Variants in ETAA1 observed in about 807,000 individuals in gnomAD.
ETAA1 encodes the protein ETAA1 activator of ATR kinase.
A neutral mutation model predicts 76.8 loss-of-function variants in ETAA1; 49 were observed. The observed-to-expected ratio is 0.64, with a 90% CI of 0.51 to 0.81. The LOEUF (loss-of-function observed/expected upper bound fraction) is 0.81. Among genes scored for constraint, ETAA1 ranks in the 30% least tolerant of loss-of-function variants. The pLI is 0.00. For missense variants in ETAA1, 1,099 were observed against 1,074.0 expected (o/e 1.02, Z -0.32); for synonymous variants, 373 against 372.2 (o/e 1.00, Z -0.03).
At chr2:67,402,999 C>T in intron 4 of ETAA1, 25 bp downstream of exon 4, 5 of 1,557,746 alleles carry the variant, frequency 3.2e-6, no homozygotes, top group Non-Finnish European at 4.3e-6. Flanking sequence ...TTCAGCTTTT[C>T]TGAAATTCAG....
Position 67,409,928 on chromosome 2 carries a change from A to G in ETAA1, c.2671A>G (p.Arg891Gly), listed in dbSNP as rs904945377. 3 of 1,598,578 alleles carry G rather than the reference A, an allele frequency of 1.9e-6. No homozygotes were observed. The highest frequency in any genetic ancestry group is 1.4e-5 in the African/African-American group (1 of 73,810). The stretch of plus-strand genomic sequence containing the variant: ...ATTTTTAGAGGAAGAAGAGAAAAAT[A>G]GAAAGTGTTCTCCTGAAGAAATTCA... ...QSSKEEEEKNRKCSPEEIQRK... is the reference protein window; with the variant it reads ...QSSKEEEEKNGKCSPEEIQRK... Residue 891 changes from arginine (R) to glycine (G), a missense_variant, in exon 6 of 6, where the codon AGA becomes GGA. Around this residue, in one of 3 missense-constraint regions of ETAA1, gnomAD observed 302 missense variants for 278.1 expected, o/e 1.09. Coordinates refer to ENST00000272342, the MANE Select transcript of ETAA1 (RefSeq NM_019002.4).
intron 5 of ETAA1, among the ~76,000 whole-genome samples, chr2:67,406,754 C>G (rs34493710): frequency 0.068 from 10,331 of 151,704 alleles, 454 homozygotes; most frequent in Middle Eastern, 0.13. Flanking sequence ...ATATATATAC[C>G]TATAGATCTA....
chr2:67,401,960 C>T (rs891513326), intron 3 of ETAA1: 2 of 151,600 alleles, frequency 1.3e-5, no homozygotes, highest in Admixed American at 6.6e-5. Context: ...ACTGGTATGC[C>T]CAATATTGTG....
At position 67,404,976 on chromosome 2, in the gene ETAA1, G is replaced by C; in HGVS notation, c.2294G>C (p.Ser765Thr). 1 of 1,612,728 alleles carries C rather than the reference G, an allele frequency of 6.2e-7. No homozygotes were observed. Among genetic ancestry groups the C allele is most frequent in the Non-Finnish European group, 8.5e-7 (1 of 1,179,228 alleles). The change falls in exon 5 of 6, where the codon AGT becomes ACT. Residue 765 changes from serine to threonine, a missense_variant. This residue lies in a region of ETAA1 where 302 missense variants were observed against 278.1 expected (regional missense o/e 1.09). Coordinates refer to ENST00000272342, the MANE Select transcript of ETAA1 (RefSeq NM_019002.4). The part of the protein sequence containing the change: ...TNTDVPIQVN[S>T]SKLVLPGSSS... ...ACTGATGTTCCAATACAAGTGAATA[G>C]TTCCAAATTGGTTCTTCCAGGAAGT...
rs1326568372 is a variant in ETAA1, at chr2:67,410,189, T to C, written c.*151T>C. ...TTATTTAATAAATCAATGTTTGCAA[T>C]GGTAAATGAAACATTTCCTTGGACA... On this transcript the variant is annotated 3_prime_UTR_variant, in exon 6 of 6. Transcript: ENST00000272342. 1.1e-5 allele frequency: 8 copies of C among 717,920 alleles called. No individual in the cohort carries two copies. In the Admixed American group the frequency reaches 1.6e-4, roughly 14 times the overall value. 44.5% of individuals were successfully genotyped at this position (717,920 alleles called of 1,614,324 possible).
intron 1 of ETAA1, 86 bp downstream of exon 1, chr2:67,397,757 T>G (rs1572905066): frequency 7.7e-7 from 1 of 1,301,844 alleles, no homozygotes; most frequent in South Asian, 1.3e-5. Flanking sequence ...GGGGTGGGGG[T>G]GGAGTCTGGA....
Position 67,397,653 on chromosome 2 carries a change from A to G in ETAA1, c.205A>G (p.Ser69Gly). Residue 69 changes from serine to glycine, a missense_variant, in exon 1 of 6, where the codon AGT becomes GGT. Ser to Gly is a moderately conservative substitution (Grantham distance 56). This residue lies in a region of ETAA1 where 761 missense variants were observed against 731.9 expected (regional missense o/e 1.04). Transcript: ENST00000272342. ...GCAGCCTCCGACCGCCGCCCTGTGC[A>G]GTAAAAGTAACCCCGAGGGTGAGAC... Reference protein sequence around the residue: ...REQPPTAALCSKSNPEERYET... With the variant: ...REQPPTAALCGKSNPEERYET... The G allele has an allele frequency of 6.5e-7, 1 of 1,547,334 alleles. No individual in the cohort carries two copies. The highest frequency in any genetic ancestry group is 8.7e-7 in the Non-Finnish European group (1 of 1,146,816).
intron 5 of ETAA1, among the ~76,000 whole-genome samples, chr2:67,409,537 A>G (rs77814619): frequency 2.6e-5 from 4 of 152,026 alleles, no homozygotes; most frequent in East Asian, 1.9e-4. Flanking sequence ...CTATTTTCCA[A>G]TTAAAGTTTA....
At position 67,410,085 on chromosome 2, in the gene ETAA1, G is replaced by T; in HGVS notation, c.*47G>T. On this transcript the variant is annotated 3_prime_UTR_variant, in exon 6 of 6. Transcript: ENST00000272342. ...TCACGAAGACTGCTGATAACTATCT[G>T]TGATTGATAGGAAATTTTTTTTCTT... 6.5e-7 allele frequency: 1 copy of T among 1,540,504 alleles called. No individual in the cohort carries two copies. The highest frequency in any genetic ancestry group is 1.4e-5 in the African/African-American group (1 of 70,414).
chr2:67,409,245 G>A (rs1467428847), intron 5 of ETAA1, among the ~76,000 whole-genome samples: 1 of 151,904 alleles, frequency 6.6e-6, no homozygotes, highest in Non-Finnish European at 1.5e-5. Context: ...ATGAGAAAGT[G>A]ATTTCTAATA....
chr2:67,399,155 CATATTTT>C lies in ETAA1; in HGVS notation c.224-9_224-3del. On this transcript the variant is annotated splice_region_variant and splice_polypyrimidine_tract_variant and intron_variant, in intron 1 of 5. Transcript: ENST00000272342. Reference sequence around the variant, plus strand: ...AAAATGCAACAATTGTTATTTTACTCATATTTTATATAGAAAGGTATGAAACACCAAA... The same window carrying C: ...AAAATGCAACAATTGTTATTTTACTCATATAGAAAGGTATGAAACACCAAA... 1 of 1,600,744 alleles carries C rather than the reference CATATTTT, an allele frequency of 6.2e-7. No individual in the cohort carries two copies. The highest frequency in any genetic ancestry group is 1.1e-5 in the South Asian group (1 of 87,940).
chr2:67,406,029 A>G (rs1676208682), intron 5 of ETAA1, among the ~76,000 whole-genome samples: 3 of 152,038 alleles, frequency 2.0e-5, no homozygotes, highest in Admixed American at 1.3e-4. Context: ...CTTATCTCCA[A>G]ACAGTGGAAT....
chr2:67,408,360 A>G (rs573368452), intron 5 of ETAA1, among the ~76,000 whole-genome samples: 4 of 152,166 alleles, frequency 2.6e-5, no homozygotes, highest in Non-Finnish European at 5.9e-5. Context: ...ATTTCATGAC[A>G]TTTGAAAATT....
chr2:67,404,851 G>A lies in ETAA1; in HGVS notation c.2169G>A (p.Met723Ile). ...DKPMKMEKGE[M>I]YGNSPRFLGA... is the part of the protein sequence containing the mutation. ...CAATGAAGATGGAGAAAGGGGAAAT[G>A]TATGGAAATTCTCCAAGATTTTTAG... The change falls in exon 5 of 6, where the codon ATG (methionine) becomes ATA (isoleucine). Residue 723 changes from methionine to isoleucine, a missense_variant. Around this residue, in one of 3 missense-constraint regions of ETAA1, gnomAD observed 302 missense variants for 278.1 expected, o/e 1.09. Coordinates refer to ENST00000272342, the MANE Select transcript of ETAA1 (RefSeq NM_019002.4). 6.2e-7 allele frequency: 1 copy of A among 1,613,076 alleles called. No individual in the cohort carries two copies. The highest frequency in any genetic ancestry group is 8.5e-7 in the Non-Finnish European group (1 of 1,179,392).
At chr2:67,407,048 C>T (rs1676240513) in intron 5 of ETAA1, among the ~76,000 whole-genome samples, 1 of 151,890 alleles carries the variant, frequency 6.6e-6, no homozygotes, top group South Asian at 2.1e-4. Context: ...AAAATTGCTA[C>T]AAGAGGAAGT....
Position 67,399,275 on chromosome 2 carries a change from T to C in ETAA1, c.330T>C (p.Asn110=). 1 of 1,612,424 alleles carries C rather than the reference T, an allele frequency of 6.2e-7. No homozygotes were observed. Among genetic ancestry groups the C allele is most frequent in the Non-Finnish European group, 8.5e-7 (1 of 1,179,194 alleles). ...AGAATGATATCTTTTGGGATCAGAA[T>C]TCTCCATTGACAAAGCAGTTAGGTA... ...DGQNDIFWDQ[N]SPLTKQLGKG... is the part of the protein sequence containing the mutation. Residue 110 remains asparagine, a synonymous_variant, in exon 2 of 6, where the codon AAT becomes AAC. Transcript: ENST00000272342.
Position 67,404,073 on chromosome 2 carries a change from C to T in ETAA1, c.1391C>T (p.Ser464Leu), listed in dbSNP as rs1002675613. 1.3e-6 allele frequency: 2 copies of T among 1,598,702 alleles called. No homozygotes were observed. Among genetic ancestry groups the T allele is most frequent in the Admixed American group, 1.8e-5 (1 of 56,122 alleles). The change falls in exon 5 of 6, where the codon TCA (serine) becomes TTA (leucine). Residue 464 changes from serine to leucine, a missense_variant. This residue lies in a region of ETAA1 where 761 missense variants were observed against 731.9 expected (regional missense o/e 1.04). Transcript: ENST00000272342. ...TTAATAGATGCAGAATATAGATTTT[C>T]ACCAAATTCAAATAAATCAAACAAA... ...RELIDAEYRF[S>L]PNSNKSNKLS...
intron 1 of ETAA1, among the ~76,000 whole-genome samples, chr2:67,398,397 A>ACTG (rs1410009072): frequency 4.7e-5 from 7 of 147,772 alleles, no homozygotes; most frequent in African/African-American, 1.8e-4. Flanking sequence ...GTGCAGTAGC[A>ACTG]CAATCTCGGC....
Position 67,404,993 on chromosome 2 carries a change from C to T in ETAA1, c.2311C>T (p.Pro771Ser), listed in dbSNP as rs3770655. 1,150,582 of 1,611,710 alleles carry T rather than the reference C, an allele frequency of 0.71. 413,554 individuals are homozygous for T. The highest frequency in any genetic ancestry group is 0.9 in the African/African-American group (67,359 of 74,962). Reference protein sequence around the residue: ...IQVNSSKLVLPGSSSLNVTSD... With the variant: ...IQVNSSKLVLSGSSSLNVTSD... Reference sequence around the variant, plus strand: ...AGTGAATAGTTCCAAATTGGTTCTTCCAGGAAGTTCAAGTTTGAATGTAAC... The same window carrying T: ...AGTGAATAGTTCCAAATTGGTTCTTTCAGGAAGTTCAAGTTTGAATGTAAC... Residue 771 changes from proline (P) to serine (S), a missense_variant, in exon 5 of 6, where the codon CCA (proline) becomes TCA (serine). By Grantham distance (74) the Pro-to-Ser change is moderately conservative (BLOSUM62 -1). This residue lies in a region of ETAA1 where 302 missense variants were observed against 278.1 expected (regional missense o/e 1.09). Transcript: ENST00000272342.
Sources: allele counts gnomAD v4.1 joint callset (sites outside exome capture counted in the v4.1 genomes callset), GRCh38; gene constraint gnomAD v4.1.1; regional missense constraint gnomAD v4.1.1; transcripts MANE v1.5; gene names NCBI Gene and HGNC (gene_info 2026-07-23, HGNC 2026-07-21).